The following SYT2 variants were observed in gnomAD, a reference collection of about 807,000 sequenced individuals.
SYT2 encodes synaptotagmin 2.
SYT2 carries 15 observed loss-of-function variants against 39.9 expected under a neutral mutation model. That is an observed-to-expected ratio of 0.38 (90% confidence interval 0.25 to 0.58). The LOEUF (loss-of-function observed/expected upper bound fraction) is 0.58, where lower values mean the gene tolerates loss of function less well. Ranked by LOEUF, SYT2 falls within the 20% of genes least tolerant of loss-of-function variation. SYT2 has a pLI of 0.70. For missense variants in SYT2, 389 were observed against 530.3 expected (o/e 0.73, Z 2.62); for synonymous variants, 181 against 204.5 (o/e 0.89, Z 0.98).
rs1323325368 is a variant in SYT2 at position 202,593,428 on chromosome 1, G to A, written c.*3329C>T. 6.6e-6 allele frequency: 1 copy of A among 152,156 alleles called. No individual in the cohort carries two copies. Among genetic ancestry groups the A allele is most frequent in the Non-Finnish European group, 1.5e-5 (1 of 68,030 alleles). 9.4% of individuals were successfully genotyped at this position (152,156 alleles called of 1,614,324 possible). A position where few individuals can be genotyped will look rare whatever the true frequency, so the allele number is the denominator to read the frequency against. On this transcript the variant is annotated 3_prime_UTR_variant, in exon 9 of 9. Transcript: ENST00000367268. ...GACCTCTCTTCTCCCTCTCGCTGAA[G>A]CCTTGGGCCAGCAAAATCATCCCAC... is the stretch of plus-strand genomic sequence containing the variant.
intron 1 of SYT2, among the ~76,000 whole-genome samples, chr1:202,621,569 C>T (rs1691203076): frequency 6.6e-6 from 1 of 152,216 alleles, no homozygotes; most frequent in African/African-American, 2.4e-5. Flanking sequence ...GCTGCCTTGA[C>T]CTCCCAAAGT....
chr1:202,596,795 C>T lies in SYT2; in HGVS notation c.1222G>A (p.Glu408Lys). 6 of 1,614,198 alleles carry T rather than the reference C, an allele frequency of 3.7e-6. No individual in the cohort carries two copies. The highest frequency in any genetic ancestry group is 5.1e-6 in the Non-Finnish European group (6 of 1,180,000). The change falls in exon 9 of 9, where the codon GAG (glutamate) becomes AAG (lysine). Residue 408 changes from glutamate to lysine, a missense_variant. This residue lies in a region of SYT2 where 84 missense variants were observed against 123.1 expected (regional missense o/e 0.68). Transcript: ENST00000367268. ...PIAQWHSLKP[E>K]EEVDALLGKN... ...CCCAGGAGTGCATCCACCTCCTCCT[C>T]AGGCTTGAGCGAGTGCCACTGGGCG...
intron 1 of SYT2, among the ~76,000 whole-genome samples, chr1:202,662,394 C>G (rs1692398739): frequency 6.6e-6 from 1 of 152,266 alleles, no homozygotes; most frequent in Non-Finnish European, 1.5e-5. Flanking sequence ...AGTTAACCCT[C>G]TAATTAGTAA....
chr1:202,652,033 G>C lies in SYT2; in HGVS notation c.-17-46244C>G, dbSNP rs1339137679. 4.6e-5 allele frequency among the ~76,000 whole-genome samples: 7 copies of C among 152,258 alleles called. No homozygotes were observed. In the East Asian group the frequency reaches 1.2e-3, roughly 25 times the overall value. On this transcript the variant is annotated intron_variant, in intron 1 of 8. Coordinates refer to ENST00000367268, the MANE Select transcript of SYT2 (RefSeq NM_177402.5). ...AGATCCCGCCCCTGTACTCCAGCCT[G>C]GTGACAGAGTGAGACTCCGTCTAAG...
intron 1 of SYT2, among the ~76,000 whole-genome samples, chr1:202,687,419 A>G (rs1653696407): frequency 6.6e-6 from 1 of 152,186 alleles, no homozygotes; most frequent in Non-Finnish European, 1.5e-5. Flanking sequence ...GCTCAGAGAC[A>G]GAGCAGAGCC....
At chr1:202,613,668 A>C (rs1004593344) in intron 1 of SYT2, among the ~76,000 whole-genome samples, 1 of 152,090 alleles carries the variant, frequency 6.6e-6, no homozygotes, top group Non-Finnish European at 1.5e-5. Flanking sequence ...AGTTGAGCCT[A>C]GCTCCTCCAT....
chr1:202,662,714 C>G (rs1692405639), intron 1 of SYT2, among the ~76,000 whole-genome samples: 5 of 152,194 alleles, frequency 3.3e-5, no homozygotes, highest in Admixed American at 2.6e-4. Context: ...TTACACAAAG[C>G]CTGGTCCCAT....
chr1:202,680,318 G>T (rs890055738), intron 1 of SYT2, among the ~76,000 whole-genome samples: 2 of 152,158 alleles, frequency 1.3e-5, no homozygotes, highest in Non-Finnish European at 2.9e-5. Flanking sequence ...TAGAAAATTG[G>T]ACCTACCTAT....
At chr1:202,618,789 G>A (rs371633572) in intron 1 of SYT2, among the ~76,000 whole-genome samples, 1 of 152,032 alleles carries the variant, frequency 6.6e-6, no homozygotes, top group Non-Finnish European at 1.5e-5. Context: ...TGGGAGACAC[G>A]CCAGTAGCTG....
chr1:202,644,963 G>A (rs984737707), intron 1 of SYT2, among the ~76,000 whole-genome samples: 4 of 152,208 alleles, frequency 2.6e-5, no homozygotes, highest in Non-Finnish European at 5.9e-5. Context: ...GCTTGTCACA[G>A]ACCCTGGACT....
intron 1 of SYT2, among the ~76,000 whole-genome samples, chr1:202,687,253 C>T (rs984145895): frequency 1.3e-5 from 2 of 152,080 alleles, no homozygotes; most frequent in African/African-American, 4.8e-5. Flanking sequence ...ACGACCCAGC[C>T]CCTGGTTTTC....
At chr1:202,693,728 G>C (rs1247433874) in intron 1 of SYT2, among the ~76,000 whole-genome samples, 1 of 152,168 alleles carries the variant, frequency 6.6e-6, no homozygotes, top group Admixed American at 6.5e-5. Context: ...TCAAAAAAAA[G>C]ATGCACTGTC....
intron 1 of SYT2, among the ~76,000 whole-genome samples, chr1:202,617,464 G>A (rs917434056): frequency 2.0e-5 from 3 of 152,072 alleles, no homozygotes; most frequent in African/African-American, 7.2e-5. Context: ...GTTTCCTGAG[G>A]CCTCTCCAGA....
Position 202,596,302 on chromosome 1 carries a change from C to T in SYT2, c.*455G>A, listed in dbSNP as rs915976163. 1.7e-3 allele frequency: 80 copies of T among 45,856 alleles called. No homozygotes were observed. The highest frequency in any genetic ancestry group is 4.5e-3 in the African/African-American group (51 of 11,228). The allele number at this position is 45,856 out of a possible 1,614,324, so 2.8% of individuals were successfully genotyped here. A position where few individuals can be genotyped will look rare whatever the true frequency, so the allele number is the denominator to read the frequency against. On this transcript the variant is annotated 3_prime_UTR_variant, in exon 9 of 9. Transcript: ENST00000367268. ...ACACACACACACACACACACACACA[C>T]ACACATACACACACACACACACACA... is the stretch of plus-strand genomic sequence containing the variant.
rs150785954 is a variant in SYT2 at position 202,669,704 on chromosome 1, G to A, written c.-18+40554C>T. On this transcript the variant is annotated intron_variant, in intron 1 of 8. Coordinates refer to ENST00000367268, the MANE Select transcript of SYT2 (RefSeq NM_177402.5). ...GCCCAGGAGGTCAACGCTGCAGTGA[G>A]GCATGATCATACCACTGAACTCCGG... Among the ~76,000 whole-genome samples the A allele has an allele frequency of 3.4e-3, 509 of 151,292 alleles. 1 individual carries two copies. The highest frequency in any genetic ancestry group is 0.012 in the African/African-American group (495 of 41,098).
chr1:202,615,257 T>C (rs1470108281), intron 1 of SYT2, among the ~76,000 whole-genome samples: 7 of 152,070 alleles, frequency 4.6e-5, no homozygotes, highest in Admixed American at 3.3e-4. Flanking sequence ...AGCAAGGGAA[T>C]AGAAGATGCC....
At chr1:202,651,079 G>A (rs535419715) in intron 1 of SYT2, among the ~76,000 whole-genome samples, 79 of 152,264 alleles carry the variant, frequency 5.2e-4, no homozygotes, top group African/African-American at 1.8e-3. Context: ...CACAGGCAAC[G>A]GGCACAGCGG....
intron 1 of SYT2, among the ~76,000 whole-genome samples, chr1:202,670,456 GAATCCCCC>G (rs1401978244): frequency 2.6e-5 from 4 of 152,238 alleles, no homozygotes; most frequent in African/African-American, 9.6e-5. Context: ...AAGAGCCACA[GAATCCCCC>G]AAGCCCAGCT....
At chr1:202,699,481 A>T (rs1654058512) in intron 1 of SYT2, among the ~76,000 whole-genome samples, 1 of 152,162 alleles carries the variant, frequency 6.6e-6, no homozygotes. Flanking sequence ...GGACAGACAA[A>T]CTTGAATCTG....
Sources: allele counts gnomAD v4.1 joint callset (sites outside exome capture counted in the v4.1 genomes callset), GRCh38; gene constraint gnomAD v4.1.1; regional missense constraint gnomAD v4.1.1; transcripts MANE v1.5; gene names NCBI Gene and HGNC (gene_info 2026-07-23, HGNC 2026-07-21).